FYN: variants seen among roughly 807,000 people sequenced by gnomAD.
The protein encoded by FYN is tyrosine-protein kinase Fyn.
A neutral mutation model predicts 70.2 loss-of-function variants in FYN; 10 were observed. That is an observed-to-expected ratio of 0.14 (90% confidence interval 0.09 to 0.24). The LOEUF (loss-of-function observed/expected upper bound fraction) is 0.24, where lower values mean the gene tolerates loss of function less well. Among genes scored for constraint, FYN ranks in the 10% least tolerant of loss-of-function variants. The probability of loss-of-function intolerance (pLI) is 1.00; values close to 1 mark genes in which losing one functional copy is unlikely to be tolerated. For missense variants in FYN, 319 were observed against 673.1 expected, an observed-to-expected ratio of 0.47 and a Z score of 5.82; for synonymous variants, 236 against 248.6, an observed-to-expected ratio of 0.95 and a Z score of 0.48.
At chr6:111,692,721 T>C (rs1799390909) in intron 12 of FYN, among the ~76,000 whole-genome samples, 1 of 152,210 alleles carries the variant, frequency 6.6e-6, no homozygotes, top group Non-Finnish European at 1.5e-5. Flanking sequence ...CAAATATTCA[T>C]GTCTCACAAC....
chr6:111,764,393 G>A (rs950098242), intron 3 of FYN, among the ~76,000 whole-genome samples: 10 of 152,148 alleles, frequency 6.6e-5, no homozygotes, highest in Admixed American at 4.6e-4. Flanking sequence ...GCATGGGGAG[G>A]AGGAAGGACA....
intron 1 of FYN, among the ~76,000 whole-genome samples, chr6:111,856,669 C>T: frequency 6.6e-6 from 1 of 152,014 alleles, no homozygotes; most frequent in East Asian, 1.9e-4. Flanking sequence ...TAAATTCTAT[C>T]CATTTAATTA....
intron 13 of FYN, among the ~76,000 whole-genome samples, chr6:111,669,019 C>T (rs773692747): frequency 4.6e-5 from 7 of 152,076 alleles, no homozygotes; most frequent in Non-Finnish European, 1.0e-4. Flanking sequence ...AAAAAGCCAC[C>T]AGTTTCATTA....
At chr6:111,736,359 C>A (rs1801710240) in intron 3 of FYN, among the ~76,000 whole-genome samples, 1 of 152,184 alleles carries the variant, frequency 6.6e-6, no homozygotes, top group South Asian at 2.1e-4. Context: ...AATGACAGCT[C>A]TACTCACATA....
rs56139160 is a variant in FYN, at chr6:111,762,050, G to C, written c.-12+18516C>G. On this transcript the variant is annotated intron_variant, in intron 3 of 13. Transcript: ENST00000354650. ...TGAGAAGGAACAGCTTCAACACGTA[G>C]GCTGTGTGTATGCAAAATGTTCCTT... 5.9e-3 allele frequency among the ~76,000 whole-genome samples: 904 copies of C among 152,314 alleles called. 6 individuals are homozygous for C. The highest frequency in any genetic ancestry group is 0.01 in the Middle Eastern group (3 of 294).
At chr6:111,838,693 A>G (rs765130086) in intron 2 of FYN, among the ~76,000 whole-genome samples, 124 of 152,260 alleles carry the variant, frequency 8.1e-4, no homozygotes, top group Non-Finnish European at 5.6e-4. Context: ...AATAGGTTAG[A>G]ATGACAGCCA....
At chr6:111,726,362 C>T (rs1457162896) in intron 3 of FYN, among the ~76,000 whole-genome samples, 1 of 152,236 alleles carries the variant, frequency 6.6e-6, no homozygotes, top group Non-Finnish European at 1.5e-5. Context: ...AATATCCAAT[C>T]AGTGTTCCCT....
intron 3 of FYN, among the ~76,000 whole-genome samples, chr6:111,761,732 T>C (rs1034133127): frequency 1.3e-5 from 2 of 152,114 alleles, no homozygotes; most frequent in African/African-American, 2.4e-5. Flanking sequence ...GATGCTGCCA[T>C]GGCAGGCAAG....
Position 111,719,886 on chromosome 6 carries a change from C to G in FYN, c.166G>C (p.Ala56Pro), listed in dbSNP as rs1374104837. The change falls in exon 4 of 14, where the codon GCC becomes CCC. Residue 56 changes from alanine to proline, a missense_variant. Physicochemically the swap from Ala to Pro is conservative, Grantham distance 27. This residue lies in a region of FYN where 128 missense variants were observed against 183.9 expected (regional missense o/e 0.70). Coordinates refer to ENST00000354650, the MANE Select transcript of FYN (RefSeq NM_002037.5). Reference protein sequence around the residue: ...SIPNYNNFHAAGGQGLTVFGG... With the variant: ...SIPNYNNFHAPGGQGLTVFGG... Reference sequence around the variant, plus strand: ...AAGACGGTGAGTCCTTGGCCCCCGGCTGCGTGGAAGTTGTTGTAGTTGGGG... The same window carrying G: ...AAGACGGTGAGTCCTTGGCCCCCGGGTGCGTGGAAGTTGTTGTAGTTGGGG... The G allele has an allele frequency of 1.2e-6, 2 of 1,614,132 alleles. No homozygotes were observed. Among genetic ancestry groups the G allele is most frequent in the East Asian group, 4.5e-5 (2 of 44,872 alleles).
At chr6:111,721,883 C>T (rs1173629060) in intron 3 of FYN, among the ~76,000 whole-genome samples, 1 of 152,120 alleles carries the variant, frequency 6.6e-6, no homozygotes, top group Non-Finnish European at 1.5e-5. Context: ...CTGCCAAAAC[C>T]GCAAACTAGC....
At chr6:111,799,544 T>A (rs79906346) in intron 2 of FYN, among the ~76,000 whole-genome samples, 2,362 of 152,360 alleles carry the variant, frequency 0.016, 24 homozygotes, top group Non-Finnish European at 0.025. Context: ...ATTAAGGATA[T>A]TTTCCCAGAT....
At chr6:111,852,694 A>G (rs1773717336) in intron 1 of FYN, among the ~76,000 whole-genome samples, 1 of 152,142 alleles carries the variant, frequency 6.6e-6, no homozygotes, top group South Asian at 2.1e-4. Flanking sequence ...TAAAAAAAAA[A>G]TCCAAAATCT....
intron 3 of FYN, among the ~76,000 whole-genome samples, chr6:111,720,825 C>T (rs570475319): frequency 3.9e-5 from 6 of 152,150 alleles, no homozygotes; most frequent in Middle Eastern, 6.8e-3. Context: ...GAGTTAGTGG[C>T]GGATTAAAAA....
At chr6:111,692,945 C>G (rs1234235188) in intron 12 of FYN, among the ~76,000 whole-genome samples, 1 of 152,220 alleles carries the variant, frequency 6.6e-6, no homozygotes, top group African/African-American at 2.4e-5. Context: ...TGCCATCTGG[C>G]CCAGCACCGG....
chr6:111,772,863 A>G, intron 3 of FYN, among the ~76,000 whole-genome samples: 1 of 150,510 alleles, frequency 6.6e-6, no homozygotes, highest in African/African-American at 2.4e-5. Flanking sequence ...GGGGGCGGGG[A>G]GGTAAGTTAT....
chr6:111,718,035 A>G (rs1800750941), intron 4 of FYN, among the ~76,000 whole-genome samples: 1 of 152,250 alleles, frequency 6.6e-6, no homozygotes, highest in African/African-American at 2.4e-5. Flanking sequence ...CCGTAAGGTC[A>G]TGCCTATTCT....
At chr6:111,787,388 T>A (rs1384979974) in intron 2 of FYN, among the ~76,000 whole-genome samples, 1 of 152,228 alleles carries the variant, frequency 6.6e-6, no homozygotes, top group Non-Finnish European at 1.5e-5. Context: ...ATGTGTCGTA[T>A]TATTTCTGAG....
intron 12 of FYN, among the ~76,000 whole-genome samples, chr6:111,683,384 C>T (rs142448509): frequency 6.6e-6 from 1 of 152,354 alleles, no homozygotes; most frequent in African/African-American, 2.4e-5. Flanking sequence ...CTCCGGAGAG[C>T]TGAACTGCCA....
Position 111,775,191 on chromosome 6 carries a change from G to C in FYN, c.-12+5375C>G, listed in dbSNP as rs188505632. ...GCACTAGAATATGTGACAGCTACTT[G>C]TTCTGAAAATGTTCCCCTTAATAAG... On this transcript the variant is annotated intron_variant, in intron 3 of 13. Coordinates refer to ENST00000354650, the MANE Select transcript of FYN (RefSeq NM_002037.5). Among the ~76,000 whole-genome samples, 105 of 152,272 alleles carry C rather than the reference G, an allele frequency of 6.9e-4. 1 individual carries two copies. Among genetic ancestry groups the C allele is most frequent in the African/African-American group, 2.4e-3 (99 of 41,550 alleles).
Sources: gnomAD v4.1 joint callset for allele counts (sites outside exome capture counted in the v4.1 genomes callset) on GRCh38, gnomAD v4.1.1 for gene constraint, gnomAD v4.1.1 regional missense constraint, MANE v1.5 for transcripts, NCBI Gene and HGNC (gene_info 2026-07-23, HGNC 2026-07-21) for gene names.